Variants in UNC5C observed in about 807,000 individuals in gnomAD.
UNC5C encodes netrin receptor UNC5C.
A neutral mutation model predicts 99.8 loss-of-function variants in UNC5C; 47 were observed. That is an observed-to-expected ratio of 0.47 (90% CI 0.37 to 0.60). The LOEUF is 0.60. Among genes scored for constraint, UNC5C ranks in the 20% least tolerant of loss-of-function variants. UNC5C has a pLI of 0.00. For synonymous variants in UNC5C, 487 were observed against 452.2 expected (o/e 1.08, Z -0.98); for missense variants, 1,062 against 1,165.9 (o/e 0.91, Z 1.30).
At chr4:95,538,942 A>C (rs1722847663) in intron 1 of UNC5C, among the ~76,000 whole-genome samples, 1 of 152,168 alleles carries the variant, frequency 6.6e-6, no homozygotes, top group Non-Finnish European at 1.5e-5. Flanking sequence ...GTAATGGATA[A>C]ACCTGGAAAT....
chr4:95,477,757 A>C (rs2149476614), intron 1 of UNC5C, among the ~76,000 whole-genome samples: 1 of 152,144 alleles, frequency 6.6e-6, no homozygotes, highest in East Asian at 1.9e-4. Flanking sequence ...TTTCATGAAG[A>C]GCCATCTAGA....
At chr4:95,493,221 G>A (rs1052646387) in intron 1 of UNC5C, among the ~76,000 whole-genome samples, 11 of 151,288 alleles carry the variant, frequency 7.3e-5, no homozygotes, top group South Asian at 4.2e-4. Context: ...GAGATGTTCC[G>A]GGAGCTAGAA....
intron 1 of UNC5C, among the ~76,000 whole-genome samples, chr4:95,433,330 A>G (rs547788919): frequency 8.5e-5 from 13 of 152,182 alleles, no homozygotes; most frequent in Non-Finnish European, 1.8e-4. Context: ...AGCAAGAATC[A>G]AATGGTAATA....
At chr4:95,261,489 T>G (rs748844571) in intron 4 of UNC5C, among the ~76,000 whole-genome samples, 1 of 152,122 alleles carries the variant, frequency 6.6e-6, no homozygotes, top group African/African-American at 2.4e-5. Context: ...CACATGTAAA[T>G]GACCTGGAGA....
chr4:95,499,639 A>C (rs1361068090), intron 1 of UNC5C, among the ~76,000 whole-genome samples: 1 of 152,050 alleles, frequency 6.6e-6, no homozygotes, highest in East Asian at 1.9e-4. Context: ...TGGGGAGAAA[A>C]AGGGAGGAGC....
intron 4 of UNC5C, among the ~76,000 whole-genome samples, chr4:95,272,395 A>G (rs1203089834): frequency 6.6e-6 from 1 of 152,230 alleles, no homozygotes; most frequent in Non-Finnish European, 1.5e-5. Context: ...GTCAGATAAA[A>G]TCTGTTATTT....
At chr4:95,436,105 T>G (rs972187601) in intron 1 of UNC5C, among the ~76,000 whole-genome samples, 8 of 151,880 alleles carry the variant, frequency 5.3e-5, no homozygotes, top group Non-Finnish European at 1.2e-4. Context: ...AAAATAATTT[T>G]TATTCCAATA....
At chr4:95,491,205 A>G (rs925491620) in intron 1 of UNC5C, among the ~76,000 whole-genome samples, 4 of 151,686 alleles carry the variant, frequency 2.6e-5, no homozygotes, top group Non-Finnish European at 4.4e-5. Context: ...TGAACATAGT[A>G]AATTGTTTAA....
At chr4:95,546,956 G>A (rs1457297760) in intron 1 of UNC5C, among the ~76,000 whole-genome samples, 1 of 150,328 alleles carries the variant, frequency 6.7e-6, no homozygotes, top group Non-Finnish European at 1.5e-5. Context: ...CCACCCCCAT[G>A]GCTCAGTCCT....
At chr4:95,411,772 A>T (rs1433212670) in intron 1 of UNC5C, among the ~76,000 whole-genome samples, 1 of 152,124 alleles carries the variant, frequency 6.6e-6, no homozygotes, top group Non-Finnish European at 1.5e-5. Context: ...TTAACTTGAA[A>T]CTTTTCTGAT....
chr4:95,269,557 A>T (rs1186473685), intron 4 of UNC5C, among the ~76,000 whole-genome samples: 2 of 151,690 alleles, frequency 1.3e-5, no homozygotes, highest in African/African-American at 4.8e-5. Flanking sequence ...CAAACTGCTG[A>T]GATTACAGTT....
chr4:95,462,471 G>A (rs546224310), intron 1 of UNC5C, among the ~76,000 whole-genome samples: 1 of 152,148 alleles, frequency 6.6e-6, no homozygotes, highest in Non-Finnish European at 1.5e-5. Flanking sequence ...TCACTCTAGT[G>A]CAGAATATAG....
chr4:95,335,088 G>A (rs1433916968), intron 2 of UNC5C, among the ~76,000 whole-genome samples: 2 of 151,904 alleles, frequency 1.3e-5, no homozygotes, highest in Non-Finnish European at 2.9e-5. Context: ...TGACTACCAC[G>A]CAGGTGCAAT....
At chr4:95,422,244 A>G (rs1462213565) in intron 1 of UNC5C, among the ~76,000 whole-genome samples, 1 of 152,304 alleles carries the variant, frequency 6.6e-6, no homozygotes, top group East Asian at 1.9e-4. Flanking sequence ...TTGGCATGTT[A>G]TGGTCTCAAT....
intron 2 of UNC5C, among the ~76,000 whole-genome samples, chr4:95,318,071 A>T (rs890047473): frequency 2.6e-5 from 4 of 152,210 alleles, no homozygotes; most frequent in African/African-American, 9.6e-5. Context: ...ACAGCCTGGG[A>T]GGACAGCAGA....
At chr4:95,404,654 A>T (rs370730860) in intron 1 of UNC5C, among the ~76,000 whole-genome samples, 16 of 152,176 alleles carry the variant, frequency 1.1e-4, no homozygotes, top group African/African-American at 2.7e-4. Context: ...AAATACAGAT[A>T]CAAGAGGGTG....
At chr4:95,199,159 G>A (rs750064232) in intron 12 of UNC5C, among the ~76,000 whole-genome samples, 3 of 152,112 alleles carry the variant, frequency 2.0e-5, no homozygotes, top group Non-Finnish European at 4.4e-5. Context: ...GCAAGAGGAA[G>A]TATTTCTGGG....
At chr4:95,295,337 C>T (rs956623995) in intron 3 of UNC5C, among the ~76,000 whole-genome samples, 18 of 152,138 alleles carry the variant, frequency 1.2e-4, no homozygotes. Context: ...CTACCAGACC[C>T]GCCTAGGAAA....
chr4:95,325,286 T>G (rs1278020042), intron 2 of UNC5C, among the ~76,000 whole-genome samples: 1 of 152,204 alleles, frequency 6.6e-6, no homozygotes, highest in Non-Finnish European at 1.5e-5. Context: ...TTTGAACGCT[T>G]GTTTTTTAGG....
Sources: allele counts gnomAD v4.1 joint callset (sites outside exome capture counted in the v4.1 genomes callset), GRCh38; gene constraint gnomAD v4.1.1; transcripts MANE v1.5; gene names NCBI Gene and HGNC (gene_info 2026-07-23, HGNC 2026-07-21).